Variants in DCDC2C observed in about 807,000 individuals in gnomAD.
DCDC2C encodes the protein doublecortin domain-containing protein 2C.
DCDC2C carries 44 observed loss-of-function variants against 45.0 expected under a neutral mutation model. The ratio of observed to expected loss-of-function variants is 0.98; its 90% CI spans 0.77 to 1.26. The LOEUF (loss-of-function observed/expected upper bound fraction) is 1.26. DCDC2C is among the 50% of genes most tolerant of loss of function. The pLI is 0.00. For missense variants in DCDC2C, 447 were observed against 468.9 expected (o/e 0.95, Z 0.43); for synonymous variants, 187 against 178.8 (o/e 1.05, Z -0.37).
rs374242871 is a variant in DCDC2C at position 3,723,058 on chromosome 2, A to G, written c.340-3945A>G. On this transcript the variant is annotated intron_variant, in intron 2 of 10. Coordinates refer to ENST00000399143, the MANE Select transcript of DCDC2C (RefSeq NM_001287444.2). Reference sequence around the variant, plus strand: ...CAGGTGTGCATTTCCACCTTCTTCCATGGCCTCTCTTTTCCTGGAATCCTT... The same window carrying G: ...CAGGTGTGCATTTCCACCTTCTTCCGTGGCCTCTCTTTTCCTGGAATCCTT... Among the ~76,000 whole-genome samples, 6 of 152,300 alleles carry G rather than the reference A, an allele frequency of 3.9e-5. No individual in the cohort carries two copies. The East Asian group carries it at 5.8e-4, about 15-fold the overall frequency.
chr2:3,794,994 G>A (rs1288847661), intron 10 of DCDC2C, among the ~76,000 whole-genome samples: 1 of 152,148 alleles, frequency 6.6e-6, no homozygotes, highest in Non-Finnish European at 1.5e-5. Flanking sequence ...GTGTAAAAGT[G>A]TTCCTATTTC....
intron 2 of DCDC2C, among the ~76,000 whole-genome samples, chr2:3,712,407 T>C (rs1668236817): frequency 6.6e-6 from 1 of 151,364 alleles, no homozygotes; most frequent in African/African-American, 2.4e-5. Flanking sequence ...GGCTCACACC[T>C]GTAATCCCAG....
At chr2:3,841,737 G>A (rs909997355) in intron 10 of DCDC2C, among the ~76,000 whole-genome samples, 1 of 148,682 alleles carries the variant, frequency 6.7e-6, no homozygotes, top group Non-Finnish European at 1.5e-5. Context: ...CGGCCGGGCA[G>A]GTCTTCCTGT....
At chr2:3,790,114 C>A (rs767873624) in intron 10 of DCDC2C, among the ~76,000 whole-genome samples, 5 of 152,190 alleles carry the variant, frequency 3.3e-5, no homozygotes, top group Non-Finnish European at 5.9e-5. Flanking sequence ...GGAGATAGGT[C>A]TTCCCAAGGA....
chr2:3,705,776 T>G (rs1457962204), intron 1 of DCDC2C, among the ~76,000 whole-genome samples: 1 of 152,176 alleles, frequency 6.6e-6, no homozygotes, highest in Non-Finnish European at 1.5e-5. Context: ...TTTGGACATG[T>G]AGCAAAAATA....
At chr2:3,821,434 G>A (rs1471311542) in intron 10 of DCDC2C, among the ~76,000 whole-genome samples, 4 of 152,204 alleles carry the variant, frequency 2.6e-5, no homozygotes, top group Admixed American at 2.6e-4. Context: ...CTGAGTAGGA[G>A]TGGTGATGTC....
intron 10 of DCDC2C, among the ~76,000 whole-genome samples, chr2:3,807,850 CTG>C (rs1671291932): frequency 6.6e-6 from 1 of 152,170 alleles, no homozygotes; most frequent in Non-Finnish European, 1.5e-5. Context: ...CTGTCACTCA[CTG>C]TGGTTCGTGG....
chr2:3,831,940 C>T (rs1671960756), intron 10 of DCDC2C, among the ~76,000 whole-genome samples: 2 of 152,222 alleles, frequency 1.3e-5, no homozygotes, highest in Admixed American at 1.3e-4. Flanking sequence ...TCACTTTCCT[C>T]TTCTGGACTT....
Position 3,818,002 on chromosome 2 carries a change from A to C in DCDC2C, c.1066-29152A>C, listed in dbSNP as rs1363348671. Among the ~76,000 whole-genome samples, 1 of 152,130 alleles carries C rather than the reference A, an allele frequency of 6.6e-6. No homozygotes were observed. Among genetic ancestry groups the C allele is most frequent in the Non-Finnish European group, 1.5e-5 (1 of 68,010 alleles). On this transcript the variant is annotated intron_variant, in intron 10 of 10. Coordinates refer to ENST00000399143, the MANE Select transcript of DCDC2C (RefSeq NM_001287444.2). This position sits in a 1 kb window ranked among gnomAD's most constrained non-coding sequence, Gnocchi z 4.7. ...GCCGGACACAATCAGCAGGGAGAGC[A>C]TGTGTGTTTTCATGAAGAATTATGC...
intron 6 of DCDC2C, among the ~76,000 whole-genome samples, chr2:3,763,367 G>A (rs1306149464): frequency 2.0e-5 from 3 of 152,182 alleles, no homozygotes; most frequent in Admixed American, 6.5e-5. Context: ...AGCGCGGCTC[G>A]AGATGTCACC....
rs559701350 is a variant in DCDC2C, at chr2:3,748,662, G to C, written c.546-4101G>C. ...ACACACAATCTGAGTGTTGTGGATG[G>C]TATTGACGGTTGAGGTGCTGGGTGG... is the stretch of plus-strand genomic sequence containing the variant. On this transcript the variant is annotated intron_variant, in intron 4 of 10. Transcript: ENST00000399143. 3.3e-5 allele frequency among the ~76,000 whole-genome samples: 5 copies of C among 152,276 alleles called. No homozygotes were observed. The South Asian group carries it at 1.0e-3, about 32-fold the overall frequency.
At chr2:3,751,405 C>A (rs1669537188) in intron 4 of DCDC2C, among the ~76,000 whole-genome samples, 1 of 152,228 alleles carries the variant, frequency 6.6e-6, no homozygotes, top group Admixed American at 6.5e-5. Flanking sequence ...TCCAGGTGGG[C>A]CCACCAGCTC....
At chr2:3,842,822 CAGG>C (rs752530650) in intron 10 of DCDC2C, among the ~76,000 whole-genome samples, 2 of 152,036 alleles carry the variant, frequency 1.3e-5, no homozygotes, top group East Asian at 3.9e-4. Context: ...GAGTTTGCAA[CAGG>C]AGGAGAAGGA....
At position 3,703,856 on chromosome 2, in the gene DCDC2C, GT is replaced by G. The variant is rs1421487487; in HGVS notation, c.106del (p.Ser36ArgfsTer65). ...TCTACGTGGGCAAGAAGTTCGTGCT[GT>G]CGCGGCGCCGCGCGGCCACCTTCGA... is the stretch of plus-strand genomic sequence containing the variant. Reference protein sequence around the residue: ...PFYVGKKFVLSRRRAATFEAL... With the variant: ...PFYVGKKFVLXRRRAATFEAL... On this transcript the variant is annotated frameshift_variant, in exon 1 of 11. Coordinates refer to ENST00000399143, the MANE Select transcript of DCDC2C (RefSeq NM_001287444.2). LOFTEE classifies it high-confidence loss of function. This position sits in a 1 kb window ranked among gnomAD's most constrained non-coding sequence, Gnocchi z 4.4. 1 of 1,287,302 alleles carries G rather than the reference GT, an allele frequency of 7.8e-7. No individual in the cohort carries two copies. The highest frequency in any genetic ancestry group is 3.1e-5 in the East Asian group (1 of 31,900). 79.7% of individuals were successfully genotyped at this position (1,287,302 alleles called of 1,614,324 possible). A position where few individuals can be genotyped will look rare whatever the true frequency, so the allele number is the denominator to read the frequency against.
intron 10 of DCDC2C, among the ~76,000 whole-genome samples, chr2:3,840,545 T>G (rs1156293190): frequency 3.3e-5 from 5 of 152,262 alleles, no homozygotes; most frequent in African/African-American, 1.2e-4. Flanking sequence ...TATTTTTTAC[T>G]GAAATCGGCC....
intron 10 of DCDC2C, among the ~76,000 whole-genome samples, chr2:3,813,331 C>T (rs559676671): frequency 1.4e-4 from 22 of 151,936 alleles, no homozygotes; most frequent in Admixed American, 6.6e-4. Flanking sequence ...CCTCCCAAAG[C>T]GCTGGGATTA....
At chr2:3,788,257 A>G (rs971993214) in intron 10 of DCDC2C, among the ~76,000 whole-genome samples, 1 of 152,246 alleles carries the variant, frequency 6.6e-6, no homozygotes, top group African/African-American at 2.4e-5. Flanking sequence ...GTAAACTACA[A>G]TCTTAAATCA....
At chr2:3,817,876 C>T (rs1558240957) in intron 10 of DCDC2C, among the ~76,000 whole-genome samples, 1 of 152,062 alleles carries the variant, frequency 6.6e-6, no homozygotes, top group Non-Finnish European at 1.5e-5. Flanking sequence ...ATGGTTTAGT[C>T]AGGGTGATAA....
At chr2:3,806,323 C>T (rs1035743502) in intron 10 of DCDC2C, among the ~76,000 whole-genome samples, 6 of 152,242 alleles carry the variant, frequency 3.9e-5, no homozygotes, top group Non-Finnish European at 7.3e-5. Context: ...GGAATCCCCA[C>T]GGTTGCTACT....
Sources: gnomAD v4.1 joint callset for allele counts (sites outside exome capture counted in the v4.1 genomes callset) on GRCh38, gnomAD v4.1.1 for gene constraint, Gnocchi (gnomAD v3.1) non-coding constraint, MANE v1.5 for transcripts, NCBI Gene and HGNC (gene_info 2026-07-23, HGNC 2026-07-21) for gene names.